The following PRPF6 variants were observed in gnomAD, a reference collection of about 807,000 sequenced individuals.
PRPF6 encodes the protein pre-mRNA processing factor 6.
Under a neutral mutation model 118.3 loss-of-function variants are expected in PRPF6, and 42 were observed. That is an observed-to-expected ratio of 0.35 (90% CI 0.28 to 0.46). The LOEUF (loss-of-function observed/expected upper bound fraction) is 0.46. Ranked by LOEUF, PRPF6 falls within the 20% of genes least tolerant of loss-of-function variation. The pLI is 1.00. For missense variants in PRPF6, 662 were observed against 1,255.7 expected, an observed-to-expected ratio of 0.53 and a Z score of 7.15; for synonymous variants, 481 against 485.1, an observed-to-expected ratio of 0.99 and a Z score of 0.11.
chr20:63,984,969 A>C lies in PRPF6; in HGVS notation c.303A>C (p.Ala101=). The C allele has an allele frequency of 6.2e-7, 1 of 1,613,958 alleles. No homozygotes were observed. The highest frequency in any genetic ancestry group is 1.3e-5 in the African/African-American group (1 of 75,054). ...SGPYEKDDEE[A]DAIYAALDKR... ...CCTACGAGAAAGATGATGAGGAAGCAGATGCTATCTATGCAGCCCTGGATA... is the reference window on the plus strand; with the variant it reads ...CCTACGAGAAAGATGATGAGGAAGCCGATGCTATCTATGCAGCCCTGGATA... Residue 101 remains alanine, a synonymous_variant, in exon 3 of 21, where the codon GCA becomes GCC. Transcript: ENST00000266079.
At chr20:64,032,696 T>G in intron 20 of PRPF6, 145 bp from the exon 21 acceptor site, 1 of 1,044,568 alleles carries the variant, frequency 9.6e-7, no homozygotes, top group Non-Finnish European at 1.4e-6. Context: ...AGCCTTGCCT[T>G]CCGGTGCAGG....
intron 9 of PRPF6, among the ~76,000 whole-genome samples, chr20:64,003,006 A>G (rs2152968): frequency 0.79 from 119,474 of 150,754 alleles, 47,638 homozygotes; most frequent in East Asian, 0.96. Context: ...GTGCAGTGGC[A>G]CGATCTTGGC....
rs2059272750 is a variant in PRPF6, at chr20:64,022,877, C to T, written c.1768C>T (p.Arg590Trp). The T allele has an allele frequency of 6.2e-7, 1 of 1,613,956 alleles. No individual in the cohort carries two copies. Among genetic ancestry groups the T allele is most frequent in the South Asian group, 1.1e-5 (1 of 91,056 alleles). ...GTACTTCGAGAAGAACCATGGCACT[C>T]GGTATGTGGTGGGACCCGCCTGCCC... The part of the protein sequence containing the change: ...AAYFEKNHGT[R>W]ESLEALLQRA... The change falls in exon 13 of 21, where the codon CGG (arginine) becomes TGG (tryptophan). Residue 590 changes from arginine to tryptophan, a missense_variant and splice_region_variant. By Grantham distance (101) the Arg-to-Trp change is moderately radical. This residue lies in a region of PRPF6 where 189 missense variants were observed against 323.5 expected (regional missense o/e 0.58). Transcript: ENST00000266079.
chr20:64,024,430 A>G (rs1319476028), intron 13 of PRPF6, 125 bp from the exon 14 acceptor site: 8 of 1,306,308 alleles, frequency 6.1e-6, no homozygotes, highest in Admixed American at 3.6e-5. Flanking sequence ...AATCTGGTCA[A>G]TCATTTATAG....
intron 3 of PRPF6, among the ~76,000 whole-genome samples, chr20:63,990,414 A>T (rs1481137517): frequency 6.6e-6 from 1 of 152,046 alleles, no homozygotes; most frequent in African/African-American, 2.4e-5. Context: ...CTCGTTATTA[A>T]ATCATTGTGC....
At position 64,008,047 on chromosome 20, in the gene PRPF6, G is replaced by A. The variant is rs141643856; in HGVS notation, c.1187-2153G>A. On this transcript the variant is annotated intron_variant, in intron 9 of 20. Coordinates refer to ENST00000266079, the MANE Select transcript of PRPF6 (RefSeq NM_012469.4). ...CCACTTCGACCTCCCAAAGTGCTGG[G>A]ATTACAGGCGTGAGCTACGGGCTGT... 5.8e-3 allele frequency among the ~76,000 whole-genome samples: 887 copies of A among 152,308 alleles called. 13 individuals carry two copies. Among genetic ancestry groups the A allele is most frequent in the African/African-American group, 0.02 (840 of 41,574 alleles).
chr20:64,026,908 T>G lies in PRPF6; in HGVS notation c.2029-74T>G. The G allele has an allele frequency of 6.7e-7, 1 of 1,502,820 alleles. No individual in the cohort carries two copies. The allele number at this position is 1,502,820 out of a possible 1,614,324, so 93.1% of individuals were successfully genotyped here. A position where few individuals can be genotyped will look rare whatever the true frequency, so the allele number is the denominator to read the frequency against. On this transcript the variant is annotated intron_variant, in intron 15 of 20. Coordinates refer to ENST00000266079, the MANE Select transcript of PRPF6 (RefSeq NM_012469.4). This position sits in a 1 kb window ranked among gnomAD's most constrained non-coding sequence, Gnocchi z 4.4. ...ACACACAGTACTGCAGGTAACAGTG[T>G]TGAGGATGAGTGTACCATGAAGCAC... is the stretch of plus-strand genomic sequence containing the variant.
chr20:63,991,115 A>G (rs1427720914), intron 3 of PRPF6, among the ~76,000 whole-genome samples: 1 of 151,762 alleles, frequency 6.6e-6, no homozygotes, highest in African/African-American at 2.4e-5. Flanking sequence ...TGGAACCTCC[A>G]GGGTTAATGC....
chr20:63,993,226 A>ATGTGTGTG (rs61077852), intron 3 of PRPF6, among the ~76,000 whole-genome samples, 181 bp from the exon 4 acceptor site: 4,064 of 129,282 alleles, frequency 0.031, 81 homozygotes, highest in South Asian at 0.058. Context: ...AAAAAAAAAA[A>ATGTGTGTG]TGTGTGTGTG....
chr20:64,021,134 A>G (rs2059260483), intron 12 of PRPF6, among the ~76,000 whole-genome samples: 1 of 152,214 alleles, frequency 6.6e-6, no homozygotes. Flanking sequence ...ATCTGCAGTT[A>G]CAGCATGTGT....
chr20:63,988,704 A>C (rs817359), intron 3 of PRPF6, among the ~76,000 whole-genome samples: 31,452 of 151,446 alleles, frequency 0.21, 3,595 homozygotes, highest in African/African-American at 0.29. Flanking sequence ...CCCCATCTCT[A>C]CTAAAAATAC....
chr20:63,988,751 C>G (rs1188116123), intron 3 of PRPF6, among the ~76,000 whole-genome samples: 1 of 151,898 alleles, frequency 6.6e-6, no homozygotes, highest in Non-Finnish European at 1.5e-5. Flanking sequence ...TGCCTGTAAT[C>G]CCAGCTACTT....
At chr20:64,021,195 T>C (rs867423233) in intron 12 of PRPF6, among the ~76,000 whole-genome samples, 1 of 152,280 alleles carries the variant, frequency 6.6e-6, no homozygotes, top group Non-Finnish European at 1.5e-5. Context: ...TGTGTGTGTG[T>C]GCACTTGTAT....
At position 64,029,460 on chromosome 20, in the gene PRPF6, C is replaced by T. The variant is rs774057212; in HGVS notation, c.2515C>T (p.His839Tyr). 23 of 1,614,220 alleles carry T rather than the reference C, an allele frequency of 1.4e-5. No individual in the cohort carries two copies. The highest frequency in any genetic ancestry group is 1.9e-5 in the Non-Finnish European group (23 of 1,180,050). Residue 839 changes from histidine to tyrosine, a missense_variant, in exon 19 of 21, where the codon CAT (histidine) becomes TAT (tyrosine). Transcript: ENST00000266079. The surrounding 1 kb of genome is among the most constrained non-coding windows in gnomAD (Gnocchi z 4.8). ...KSVDALKKCE[H>Y]DPHVLLAVAK... ...CGTGGATGCCCTGAAGAAGTGTGAG[C>T]ATGACCCCCATGTGCTCCTGGCCGT...
In PRPF6 at chr20:64,025,955, A is replaced by G; in HGVS notation, c.1925A>G (p.Glu642Gly). The G allele has an allele frequency of 6.2e-7, 1 of 1,613,634 alleles. No individual in the cohort carries two copies. Among genetic ancestry groups the G allele is most frequent in the Non-Finnish European group, 8.5e-7 (1 of 1,180,018 alleles). Residue 642 changes from glutamate to glycine, a missense_variant, in exon 15 of 21, where the codon GAG becomes GGG. Physicochemically the swap from Glu to Gly is moderately conservative, Grantham distance 98 (BLOSUM62 -2). This residue lies in a region of PRPF6 where 15 missense variants were observed against 66.5 expected (regional missense o/e 0.23). Transcript: ENST00000266079. Reference protein sequence around the residue: ...ALAFQANPNSEEIWLAAVKLE... With the variant: ...ALAFQANPNSGEIWLAAVKLE... ...GCCCTTCAGGCCAACCCCAACAGTG[A>G]GGAGATCTGGCTGGCAGCCGTGAAG... is the stretch of plus-strand genomic sequence containing the variant.
intron 9 of PRPF6, among the ~76,000 whole-genome samples, chr20:64,003,013 T>TG (rs2059174855): frequency 1.3e-5 from 2 of 151,784 alleles, no homozygotes; most frequent in Admixed American, 6.6e-5. Context: ...GGCACGATCT[T>TG]GGCTCACTGC....
At chr20:63,997,288 C>CTTT (rs928046111) in intron 6 of PRPF6, among the ~76,000 whole-genome samples, 72 of 112,656 alleles carry the variant, frequency 6.4e-4, no homozygotes, top group African/African-American at 1.0e-3. Flanking sequence ...TCAGCATGTT[C>CTTT]TTTTTTTTTT....
rs2059298664 is a variant in PRPF6 at position 64,027,942 on chromosome 20, G to C, written c.2339+206G>C. Among the ~76,000 whole-genome samples, 1 of 152,152 alleles carries C rather than the reference G, an allele frequency of 6.6e-6. No individual in the cohort carries two copies. The highest frequency in any genetic ancestry group is 2.1e-4 in the South Asian group (1 of 4,832). Reference sequence around the variant, plus strand: ...ACTGTGACAGGCCTGTAGATGGTTTGATGCAGTTTAATTTGTGTTCTGATG... The same window carrying C: ...ACTGTGACAGGCCTGTAGATGGTTTCATGCAGTTTAATTTGTGTTCTGATG... On this transcript the variant is annotated intron_variant, in intron 17 of 20. Transcript: ENST00000266079. The surrounding 1 kb of genome is among the most constrained non-coding windows in gnomAD (Gnocchi z 6.5).
intron 2 of PRPF6, among the ~76,000 whole-genome samples, chr20:63,983,896 G>A (rs893049755): frequency 2.0e-5 from 3 of 152,072 alleles, no homozygotes; most frequent in African/African-American, 7.2e-5. Flanking sequence ...CAGGTTGTCC[G>A]CACGCTTCGG....
Sources: allele counts gnomAD v4.1 joint callset (sites outside exome capture counted in the v4.1 genomes callset), GRCh38; gene constraint gnomAD v4.1.1; regional missense constraint gnomAD v4.1.1; non-coding constraint Gnocchi (gnomAD v3.1); transcripts MANE v1.5; gene names NCBI Gene and HGNC (gene_info 2026-07-23, HGNC 2026-07-21).